The following MYOF variants were observed in gnomAD, a reference collection of about 807,000 sequenced individuals.
MYOF encodes myoferlin.
A neutral mutation model predicts 284.2 loss-of-function variants in MYOF; 244 were observed. The ratio of observed to expected loss-of-function variants is 0.86; its 90% CI spans 0.77 to 0.95. The LOEUF is 0.95. Ranked by LOEUF, MYOF falls within the 40% of genes least tolerant of loss-of-function variation. MYOF has a pLI of 0.00. For missense variants in MYOF, 2,496 were observed against 2,560.6 expected (o/e 0.97, Z 0.54); for synonymous variants, 904 against 919.7 (o/e 0.98, Z 0.31).
At chr10:93,349,709 A>G in intron 36 of MYOF, 99 bp downstream of exon 36, 1 of 1,390,882 alleles carries the variant, frequency 7.2e-7, no homozygotes, top group Admixed American at 2.4e-5. Flanking sequence ...TCTATTTGTC[A>G]GGTTTTGGAA....
chr10:93,436,343 C>A (rs1239868692), intron 3 of MYOF, among the ~76,000 whole-genome samples: 1 of 152,130 alleles, frequency 6.6e-6, no homozygotes, highest in African/African-American at 2.4e-5. Context: ...TAACAGAAAC[C>A]AATTATAAAG....
chr10:93,348,228 T>TCTACTAGC (rs1337067863), intron 36 of MYOF, among the ~76,000 whole-genome samples: 1 of 152,186 alleles, frequency 6.6e-6, no homozygotes, highest in Non-Finnish European at 1.5e-5. Context: ...GCTTTGGTCA[T>TCTACTAGC]CTACTAGCCA....
intron 17 of MYOF, among the ~76,000 whole-genome samples, chr10:93,390,906 TG>T (rs1315366094): frequency 6.6e-6 from 1 of 152,066 alleles, no homozygotes; most frequent in Non-Finnish European, 1.5e-5. Flanking sequence ...ACATTATGGA[TG>T]GGCAAGCCAA....
intron 25 of MYOF, among the ~76,000 whole-genome samples, chr10:93,368,977 T>G (rs1386700582): frequency 6.6e-6 from 1 of 152,214 alleles, no homozygotes; most frequent in Non-Finnish European, 1.5e-5. Context: ...ACAATTCTAC[T>G]TTTAGCTGTA....
At chr10:93,430,716 C>T (rs1021733952) in intron 4 of MYOF, among the ~76,000 whole-genome samples, 4 of 152,162 alleles carry the variant, frequency 2.6e-5, no homozygotes, top group Middle Eastern at 3.4e-3. Flanking sequence ...AATGTTAACA[C>T]CCACATGGCT....
chr10:93,393,720 T>C (rs1374759523), intron 16 of MYOF, among the ~76,000 whole-genome samples: 1 of 152,248 alleles, frequency 6.6e-6, no homozygotes, highest in Admixed American at 6.5e-5. Flanking sequence ...ATTCCATCTA[T>C]AGTCATATTT....
At position 93,478,897 on chromosome 10, in the gene MYOF, A is replaced by G. The variant is rs1033386510; in HGVS notation, c.88+3210T>C. On this transcript the variant is annotated intron_variant, in intron 1 of 53. Coordinates refer to ENST00000359263, the MANE Select transcript of MYOF (RefSeq NM_013451.4). ...GAAAAACTGAGGTCAACTGTAAACC[A>G]GTTGGTTGTCAGTACAGCACAATCC... Among the ~76,000 whole-genome samples, 6 of 148,892 alleles carry G rather than the reference A, an allele frequency of 4.0e-5. No individual in the cohort carries two copies. The South Asian group carries it at 1.3e-3, about 32-fold the overall frequency.
chr10:93,411,022 G>A lies in MYOF; in HGVS notation c.434-1283C>T, dbSNP rs74150225. On this transcript the variant is annotated intron_variant, in intron 5 of 53. Transcript: ENST00000359263. The stretch of plus-strand genomic sequence containing the variant: ...CTTCAGTTTCTTCATTTGTAAAGAG[G>A]GGAAAATAATAGTATTTACCACAGG... Among the ~76,000 whole-genome samples the A allele has an allele frequency of 7.6e-3, 1,163 of 152,272 alleles. 13 individuals carry two copies. The highest frequency in any genetic ancestry group is 0.027 in the African/African-American group (1,112 of 41,564).
At chr10:93,454,795 T>C (rs141113156) in intron 2 of MYOF, among the ~76,000 whole-genome samples, 28 of 151,268 alleles carry the variant, frequency 1.9e-4, no homozygotes, top group African/African-American at 6.1e-4. Flanking sequence ...CTGGGCAACA[T>C]AGCAGGATGT....
chr10:93,323,529 T>C (rs1197571769), intron 46 of MYOF, 171 bp from the exon 47 acceptor site: 4 of 638,572 alleles, frequency 6.3e-6, no homozygotes, highest in Admixed American at 3.1e-5. Flanking sequence ...TAATCTTTTA[T>C]GTACAATGTC....
At chr10:93,309,728 C>T in intron 53 of MYOF, among the ~76,000 whole-genome samples, 1 of 152,106 alleles carries the variant, frequency 6.6e-6, no homozygotes, top group Non-Finnish European at 1.5e-5. Context: ...GAAACGCTGG[C>T]CATAGTCCAG....
intron 16 of MYOF, among the ~76,000 whole-genome samples, chr10:93,394,796 C>A (rs1020352445): frequency 1.7e-4 from 26 of 149,568 alleles, no homozygotes; most frequent in Non-Finnish European, 3.1e-4. Flanking sequence ...TTTTTCACTT[C>A]TGGAGAGAGG....
intron 16 of MYOF, among the ~76,000 whole-genome samples, chr10:93,394,608 C>T (rs1337739071): frequency 6.6e-6 from 1 of 151,162 alleles, no homozygotes; most frequent in Admixed American, 6.6e-5. Context: ...CTACATGTGC[C>T]CACCACCACG....
chr10:93,365,134 G>A (rs899562925), intron 26 of MYOF, among the ~76,000 whole-genome samples: 2 of 152,286 alleles, frequency 1.3e-5, no homozygotes, highest in Non-Finnish European at 2.9e-5. Context: ...TCACATGCAA[G>A]CAAGCACGTT....
At chr10:93,373,293 G>A (rs561000967) in intron 23 of MYOF, among the ~76,000 whole-genome samples, 27 of 152,302 alleles carry the variant, frequency 1.8e-4, no homozygotes, top group African/African-American at 6.3e-4. Flanking sequence ...GCTGGCCAAA[G>A]GGAAGGGCGA....
intron 1 of MYOF, among the ~76,000 whole-genome samples, chr10:93,475,869 T>C (rs915785191): frequency 1.3e-5 from 2 of 152,148 alleles, no homozygotes; most frequent in Non-Finnish European, 1.5e-5. Context: ...TTAAGGGCCA[T>C]TGTAGCTTTA....
intron 7 of MYOF, among the ~76,000 whole-genome samples, chr10:93,407,999 G>A (rs966261564): frequency 6.6e-6 from 1 of 152,048 alleles, no homozygotes; most frequent in Non-Finnish European, 1.5e-5. Flanking sequence ...AAAAACACCA[G>A]AAAGGCAACA....
In MYOF at chr10:93,401,526, C is replaced by G. The variant is rs1485774799; in HGVS notation, c.1009G>C (p.Asp337His). 6.2e-7 allele frequency: 1 copy of G among 1,613,966 alleles called. No homozygotes were observed. The highest frequency in any genetic ancestry group is 1.1e-5 in the South Asian group (1 of 91,074). The change falls in exon 12 of 54, where the codon GAT (aspartate) becomes CAT (histidine). Residue 337 changes from aspartate (D) to histidine (H), a missense_variant. Asp to His is a moderately conservative substitution (Grantham distance 81). Coordinates refer to ENST00000359263, the MANE Select transcript of MYOF (RefSeq NM_013451.4). ...CTCTCCACATCATCACTGTCATTATCACGATCTCGTCTCTCAGGCTATTAG... is the reference window on the plus strand; with the variant it reads ...CTCTCCACATCATCACTGTCATTATGACGATCTCGTCTCTCAGGCTATTAG... ...DEPPPERRDR[D>H]NDSDDVESNL... is the part of the protein sequence containing the mutation.
At chr10:93,367,632 G>A (rs147970842) in intron 25 of MYOF, among the ~76,000 whole-genome samples, 1 of 152,236 alleles carries the variant, frequency 6.6e-6, no homozygotes, top group East Asian at 1.9e-4. Context: ...AGCCAGCATA[G>A]CCTTAGTAAA....
Sources: gnomAD v4.1 joint callset for allele counts (sites outside exome capture counted in the v4.1 genomes callset) on GRCh38, gnomAD v4.1.1 for gene constraint, MANE v1.5 for transcripts, NCBI Gene and HGNC (gene_info 2026-07-23, HGNC 2026-07-21) for gene names.